Variants in PGAM5 observed in about 807,000 individuals in gnomAD.
PGAM5 encodes the protein PGAM family member 5, mitochondrial serine/threonine protein phosphatase.
PGAM5 carries 25 observed loss-of-function variants against 30.6 expected under a neutral mutation model. The observed-to-expected ratio is 0.82, with a 90% confidence interval of 0.60 to 1.14. The LOEUF is 1.14. PGAM5 is among the 50% of genes most tolerant of loss of function. The probability of loss-of-function intolerance (pLI) is 0.00; values close to 1 mark genes in which losing one functional copy is unlikely to be tolerated. For synonymous variants in PGAM5, 201 were observed against 179.1 expected (o/e 1.12, Z -0.98); for missense variants, 384 against 408.5 (o/e 0.94, Z 0.52).
Position 132,721,323 on chromosome 12 carries a change from C to T in PGAM5, c.*495C>T, listed in dbSNP as rs2136089551. ...AAGATTTTCTGGCTGGGCACAGTGG[C>T]TCACACCTGTATTCCCAGCTACTCA... On this transcript the variant is annotated 3_prime_UTR_variant, in exon 6 of 6. Transcript: ENST00000498926. 1 of 152,754 alleles carries T rather than the reference C, an allele frequency of 6.5e-6. No homozygotes were observed. The highest frequency in any genetic ancestry group is 2.4e-5 in the African/African-American group (1 of 41,576). 9.5% of individuals were successfully genotyped at this position (152,754 alleles called of 1,614,324 possible).
chr12:132,719,732 G>A (rs1042252784), intron 5 of PGAM5, among the ~76,000 whole-genome samples: 9 of 152,232 alleles, frequency 5.9e-5, no homozygotes, highest in Admixed American at 3.9e-4. Context: ...TGTTCCGGCC[G>A]GTGCCGCCAG....
rs766921845 is a variant in PGAM5 at position 132,720,709 on chromosome 12, C to T, written c.751C>T (p.Arg251Trp). 6.5e-6 allele frequency: 10 copies of T among 1,536,244 alleles called. No individual in the cohort carries two copies. The highest frequency in any genetic ancestry group is 1.2e-5 in the South Asian group (1 of 84,046). ...ALQFPPEGWL[R>W]LSLNNGSITH... ...GCAGTTTCCTCCTGAAGGCTGGCTC[C>T]GGCTCTCCCTCAATAATGGCAGCAT... Residue 251 changes from arginine (R) to tryptophan (W), a missense_variant, in exon 6 of 6, where the codon CGG (arginine) becomes TGG (tryptophan). Physicochemically the swap from Arg to Trp is moderately radical, Grantham distance 101. Coordinates refer to ENST00000498926, the MANE Select transcript of PGAM5 (RefSeq NM_001170543.2).
intron 5 of PGAM5, among the ~76,000 whole-genome samples, chr12:132,719,706 G>T (rs373865711): frequency 6.6e-6 from 1 of 152,256 alleles, no homozygotes; most frequent in Admixed American, 6.5e-5. Flanking sequence ...ACCTGGACAC[G>T]AGAATATGGC....
At chr12:132,720,435 G>A (rs574541163) in intron 5 of PGAM5, among the ~76,000 whole-genome samples, 37 of 152,038 alleles carry the variant, frequency 2.4e-4, no homozygotes, top group African/African-American at 8.0e-4. Flanking sequence ...AGCCTCCCAA[G>A]TAGCTGGGAC....
intron 2 of PGAM5, among the ~76,000 whole-genome samples, chr12:132,716,476 G>C (rs538719336): frequency 6.6e-6 from 1 of 151,372 alleles, no homozygotes; most frequent in Non-Finnish European, 1.5e-5. Flanking sequence ...TAATCCGCCC[G>C]CCTTGGCCTC....
At chr12:132,717,334 G>GC in intron 2 of PGAM5, 105 bp from the exon 3 acceptor site, 5 of 1,298,542 alleles carry the variant, frequency 3.9e-6, no homozygotes, top group African/African-American at 1.6e-5. Flanking sequence ...GCGGAGGAGG[G>GC]GGTGTTTGAG....
intron 2 of PGAM5, among the ~76,000 whole-genome samples, chr12:132,715,676 C>T (rs927489946): frequency 3.9e-5 from 6 of 151,912 alleles, no homozygotes; most frequent in African/African-American, 9.7e-5. Context: ...GTCAGGAGTT[C>T]GAGACCAGCC....
intron 5 of PGAM5, 86 bp from the exon 6 acceptor site, chr12:132,720,588 GAGCC>G (rs1245010918): frequency 7.3e-7 from 1 of 1,372,532 alleles, no homozygotes; most frequent in African/African-American, 1.4e-5. Context: ...TTACAGGTGT[GAGCC>G]ACCATGCCCG....
chr12:132,718,857 G>C, intron 5 of PGAM5: 1 of 1,612,800 alleles, frequency 6.2e-7, no homozygotes, highest in Non-Finnish European at 8.5e-7. Flanking sequence ...GTGTGCCAGC[G>C]TGACGGCTCG....
At chr12:132,719,437 G>A (rs2043621537) in intron 5 of PGAM5, among the ~76,000 whole-genome samples, 1 of 152,224 alleles carries the variant, frequency 6.6e-6, no homozygotes, top group Admixed American at 6.5e-5. Flanking sequence ...AGACCAGATA[G>A]AGCTTTTCTG....
intron 2 of PGAM5, among the ~76,000 whole-genome samples, chr12:132,715,528 AC>A (rs1337884613): frequency 9.4e-5 from 14 of 148,584 alleles, no homozygotes; most frequent in African/African-American, 3.2e-4. Context: ...CTGAGATCGC[AC>A]CACTGCACTC....
chr12:132,713,329 A>G (rs562192695), intron 1 of PGAM5, among the ~76,000 whole-genome samples: 6 of 152,316 alleles, frequency 3.9e-5, no homozygotes, highest in East Asian at 3.9e-4. Context: ...GGAAGGTGCT[A>G]GAAGACAGCA....
At chr12:132,712,925 A>G (rs1459969999) in intron 1 of PGAM5, among the ~76,000 whole-genome samples, 1 of 151,590 alleles carries the variant, frequency 6.6e-6, no homozygotes, top group African/African-American at 2.4e-5. Flanking sequence ...TGAGAGGCTG[A>G]GGTGGGCGGA....
intron 5 of PGAM5, chr12:132,718,987 T>C: frequency 6.9e-7 from 1 of 1,453,796 alleles, no homozygotes. Context: ...CACCACAGAA[T>C]GATCCGGGTT....
intron 5 of PGAM5, chr12:132,718,643 G>A (rs1593121481): frequency 1.8e-6 from 2 of 1,091,192 alleles, no homozygotes; most frequent in Non-Finnish European, 2.8e-6. Context: ...GGGGGTCCTG[G>A]GTACGGTGCA....
rs900246856 is a variant in PGAM5, at chr12:132,721,744, T to C, written c.*916T>C. 2 of 152,150 alleles carry C rather than the reference T, an allele frequency of 1.3e-5. No individual in the cohort carries two copies. Among genetic ancestry groups the C allele is most frequent in the Non-Finnish European group, 2.9e-5 (2 of 68,024 alleles). The allele number at this position is 152,150 out of a possible 1,614,324, so 9.4% of individuals were successfully genotyped here. The stretch of plus-strand genomic sequence containing the variant: ...CTGGGATTACAGTCGCCCACCACCA[T>C]ACCTGGCTAATTTTTTGTATTTTTA... On this transcript the variant is annotated 3_prime_UTR_variant, in exon 6 of 6. Transcript: ENST00000498926.
In PGAM5 at chr12:132,720,873, A is replaced by C. The variant is rs181920919; in HGVS notation, c.*45A>C. ...CCTCTGTCCTCCCTGCACAGGCCGC[A>C]CACACTTAACGTTTTGTTCCCAAGG... On this transcript the variant is annotated 3_prime_UTR_variant, in exon 6 of 6. Transcript: ENST00000498926. The C allele has an allele frequency of 7.9e-6, 12 of 1,516,958 alleles. No individual in the cohort carries two copies. The highest frequency in any genetic ancestry group is 1.1e-5 in the Non-Finnish European group (12 of 1,134,878). 94.0% of individuals were successfully genotyped at this position (1,516,958 alleles called of 1,614,324 possible).
chr12:132,714,238 G>A (rs968264926), intron 1 of PGAM5, among the ~76,000 whole-genome samples: 27 of 152,094 alleles, frequency 1.8e-4, no homozygotes, highest in Non-Finnish European at 2.2e-4. Flanking sequence ...GGCTAGTGTC[G>A]AACTCTTGAC....
intron 5 of PGAM5, chr12:132,719,093 G>T: frequency 7.2e-7 from 1 of 1,395,712 alleles, no homozygotes. Context: ...GGGGGGCAGG[G>T]CCAGCTCTAC....
Sources: allele counts gnomAD v4.1 joint callset (sites outside exome capture counted in the v4.1 genomes callset), GRCh38; gene constraint gnomAD v4.1.1; transcripts MANE v1.5; gene names NCBI Gene and HGNC (gene_info 2026-07-23, HGNC 2026-07-21).